ZNF292: variants seen among roughly 807,000 people sequenced by gnomAD.
The protein encoded by ZNF292 is zinc finger protein 292.
Under a neutral mutation model 217.9 loss-of-function variants are expected in ZNF292, and 26 were observed. That is an observed-to-expected ratio of 0.12 (90% CI 0.09 to 0.17). ZNF292 has a LOEUF of 0.17. Among genes scored for constraint, ZNF292 ranks in the 10% least tolerant of loss-of-function variants. ZNF292 has a pLI of 1.00. For synonymous variants in ZNF292, 1,257 were observed against 1,124.1 expected (o/e 1.12, Z -2.37); for missense variants, 2,904 against 3,175.2 (o/e 0.91, Z 2.05).
intron 1 of ZNF292, among the ~76,000 whole-genome samples, chr6:87,195,660 A>G (rs1771935310): frequency 6.6e-6 from 1 of 152,212 alleles, no homozygotes; most frequent in South Asian, 2.1e-4. Context: ...TGGGAAATGG[A>G]AAAGAATTAA....
Position 87,258,748 on chromosome 6 carries a change from A to G in ZNF292, c.5119A>G (p.Lys1707Glu). 1 of 1,613,516 alleles carries G rather than the reference A, an allele frequency of 6.2e-7. No individual in the cohort carries two copies. Among genetic ancestry groups the G allele is most frequent in the Non-Finnish European group, 8.5e-7 (1 of 1,179,692 alleles). The stretch of plus-strand genomic sequence containing the variant: ...TATGACTGATGTAAAAGAGAATTTC[A>G]AAACCAGTCTTGAGTCCCATACAGT... ...LFMTDVKENF[K>E]TSLESHTVLA... The change falls in exon 8 of 8, where the codon AAA (lysine) becomes GAA (glutamate). Residue 1707 changes from lysine to glutamate, a missense_variant. Around this residue, in one of 15 missense-constraint regions of ZNF292, gnomAD observed 622 missense variants for 573.1 expected, o/e 1.09. Transcript: ENST00000369577.
rs1248727008 is a variant in ZNF292, at chr6:87,258,657, T to C, written c.5028T>C (p.Thr1676=). The C allele has an allele frequency of 6.2e-7, 1 of 1,613,520 alleles. No individual in the cohort carries two copies. Among genetic ancestry groups the C allele is most frequent in the Admixed American group, 1.7e-5 (1 of 59,878 alleles). Residue 1676 remains threonine (T), a synonymous_variant, in exon 8 of 8, where the codon ACT becomes ACC. Transcript: ENST00000369577. ...TTNLHSNVIP[T]CEPQSLVENL... ...ACCTTCATTCAAATGTAATTCCAAC[T>C]TGTGAACCTCAGAGTTTGGTGGAAA...
rs1562197949 is a variant in ZNF292 at position 87,262,001 on chromosome 6, T to A, written c.*200T>A. On this transcript the variant is annotated 3_prime_UTR_variant, in exon 8 of 8. Coordinates refer to ENST00000369577, the MANE Select transcript of ZNF292 (RefSeq NM_015021.3). ...TCCCTATGGGACTTGAGGAACAGAATCAGTACTTCAGTTATTGTAAATAGT... is the reference window on the plus strand; with the variant it reads ...TCCCTATGGGACTTGAGGAACAGAAACAGTACTTCAGTTATTGTAAATAGT... 2 of 377,176 alleles carry A rather than the reference T, an allele frequency of 5.3e-6. No homozygotes were observed. The highest frequency in any genetic ancestry group is 7.1e-4 in the Middle Eastern group (1 of 1,400). 23.4% of individuals were successfully genotyped at this position (377,176 alleles called of 1,614,324 possible). A position where few individuals can be genotyped will look rare whatever the true frequency, so the allele number is the denominator to read the frequency against.
intron 5 of ZNF292, among the ~76,000 whole-genome samples, chr6:87,241,009 G>A (rs943309985): frequency 4.6e-5 from 7 of 152,338 alleles, no homozygotes; most frequent in African/African-American, 1.7e-4. Context: ...CATTGGCTGA[G>A]CACCGTGGCT....
In ZNF292 at chr6:87,262,395, A is replaced by G. The variant is rs1006627507; in HGVS notation, c.*594A>G. The G allele has an allele frequency of 1.3e-5, 2 of 152,072 alleles. No homozygotes were observed. Among genetic ancestry groups the G allele is most frequent in the African/African-American group, 4.8e-5 (2 of 41,456 alleles). 9.4% of individuals were successfully genotyped at this position (152,072 alleles called of 1,614,324 possible). On this transcript the variant is annotated 3_prime_UTR_variant, in exon 8 of 8. Coordinates refer to ENST00000369577, the MANE Select transcript of ZNF292 (RefSeq NM_015021.3). ...GATGATATCAAGATTACTTTTCACA[A>G]AATAGGCACATTATATCAACACTTT... is the stretch of plus-strand genomic sequence containing the variant.
rs139364725 is a variant in ZNF292, at chr6:87,254,523, G to C, written c.1021-127G>C. On this transcript the variant is annotated intron_variant, in intron 7 of 7. Coordinates refer to ENST00000369577, the MANE Select transcript of ZNF292 (RefSeq NM_015021.3). ...GACTAAGCTGCAGTGCTTTAGAAGG[G>C]GAATCCTTTCATAAGTTGCTATTGC... 3,531 of 869,944 alleles carry C rather than the reference G, an allele frequency of 4.1e-3. 128 individuals are homozygous for C. In the Admixed American group the frequency reaches 0.069, roughly 17 times the overall value. 53.9% of individuals were successfully genotyped at this position (869,944 alleles called of 1,614,324 possible). A position where few individuals can be genotyped will look rare whatever the true frequency, so the allele number is the denominator to read the frequency against.
At chr6:87,251,177 GAT>G (rs1196447207) in intron 7 of ZNF292, among the ~76,000 whole-genome samples, 3 of 152,178 alleles carry the variant, frequency 2.0e-5, no homozygotes, top group Non-Finnish European at 4.4e-5. Flanking sequence ...TAGAGGGAAA[GAT>G]AAAAGAGGAA....
intron 5 of ZNF292, among the ~76,000 whole-genome samples, chr6:87,241,283 C>CATAA (rs111321821): frequency 0.019 from 2,861 of 151,712 alleles, 71 homozygotes; most frequent in African/African-American, 0.05. Flanking sequence ...GACTCCGTCT[C>CATAA]ATAAATAAAT....
intron 4 of ZNF292, chr6:87,222,957 G>A (rs897730498): frequency 6.1e-6 from 2 of 327,366 alleles, no homozygotes; most frequent in East Asian, 7.4e-5. Context: ...TTAGACTGGG[G>A]TTATGGGTTT....
At chr6:87,155,814 C>T (rs1240959696) in intron 1 of ZNF292, 55 bp downstream of exon 1, 4 of 1,489,728 alleles carry the variant, frequency 2.7e-6, no homozygotes, top group African/African-American at 2.8e-5. Flanking sequence ...GGGAAGAGGG[C>T]GAGCGAGCGC....
At position 87,258,388 on chromosome 6, in the gene ZNF292, A is replaced by G. The variant is rs369540222; in HGVS notation, c.4759A>G (p.Ser1587Gly). The G allele has an allele frequency of 3.7e-6, 6 of 1,613,550 alleles. No individual in the cohort carries two copies. The African/African-American group carries it at 5.3e-5, about 14-fold the overall frequency. Residue 1587 changes from serine to glycine, a missense_variant, in exon 8 of 8, where the codon AGT becomes GGT. By Grantham distance (56) the Ser-to-Gly change is moderately conservative. This residue lies in a region of ZNF292 where 622 missense variants were observed against 573.1 expected (regional missense o/e 1.09). Coordinates refer to ENST00000369577, the MANE Select transcript of ZNF292 (RefSeq NM_015021.3). ...GACTGTTGAAAATGGTTTGTGCTCT[A>G]GTTCATTTCCTAATTCTGGTGGGCC... Reference protein sequence around the residue: ...LKTVENGLCSSSFPNSGGPSQ... With the variant: ...LKTVENGLCSGSFPNSGGPSQ...
intron 1 of ZNF292, among the ~76,000 whole-genome samples, chr6:87,200,464 T>TA (rs141781065): frequency 2.3e-4 from 34 of 150,822 alleles, no homozygotes; most frequent in East Asian, 1.4e-3. Flanking sequence ...ACTAGACATT[T>TA]AAAAAAAAAA....
At position 87,265,621 on chromosome 6, in the gene ZNF292, A is replaced by G. The variant is rs1775782140; in HGVS notation, c.*3820A>G. Among the ~76,000 whole-genome samples the G allele has an allele frequency of 6.6e-6, 1 of 152,236 alleles. No individual in the cohort carries two copies. Among genetic ancestry groups the G allele is most frequent in the South Asian group, 2.1e-4 (1 of 4,830 alleles). On this transcript the variant is annotated 3_prime_UTR_variant, in exon 8 of 8. Coordinates refer to ENST00000369577, the MANE Select transcript of ZNF292 (RefSeq NM_015021.3). Reference sequence around the variant, plus strand: ...AATTTTCCAGACTTAATTGACCCTGAGAACATTTTTCTTCTTTTAATGTTA... The same window carrying G: ...AATTTTCCAGACTTAATTGACCCTGGGAACATTTTTCTTCTTTTAATGTTA...
chr6:87,192,866 A>G (rs1279275364), intron 1 of ZNF292, among the ~76,000 whole-genome samples: 3 of 152,188 alleles, frequency 2.0e-5, no homozygotes, highest in Non-Finnish European at 4.4e-5. Context: ...TTAAGTTCAC[A>G]TATACTGGTA....
chr6:87,179,861 C>T (rs1480320140), intron 1 of ZNF292, among the ~76,000 whole-genome samples: 2 of 152,106 alleles, frequency 1.3e-5, no homozygotes, highest in Admixed American at 1.3e-4. Flanking sequence ...AGCAACAGCC[C>T]AGTCAGATTT....
intron 4 of ZNF292, among the ~76,000 whole-genome samples, chr6:87,231,283 T>C (rs764168223): frequency 6.6e-6 from 1 of 152,132 alleles, no homozygotes; most frequent in Non-Finnish European, 1.5e-5. Context: ...TTTACTGCTG[T>C]AAGGTGCCAT....
chr6:87,178,224 T>G (rs201077560), intron 1 of ZNF292, among the ~76,000 whole-genome samples: 1 of 24,192 alleles, frequency 4.1e-5, no homozygotes, highest in Non-Finnish European at 6.5e-5. Flanking sequence ...ATGATTGTGT[T>G]TCTTTCTTCT....
In ZNF292 at chr6:87,255,955, G is replaced by A; in HGVS notation, c.2326G>A (p.Val776Ile). Residue 776 changes from valine (V) to isoleucine (I), a missense_variant, in exon 8 of 8, where the codon GTC (valine) becomes ATC (isoleucine). Coordinates refer to ENST00000369577, the MANE Select transcript of ZNF292 (RefSeq NM_015021.3). ...TTTAACCCACCGAAAGGAGCATCAA[G>A]TCTTTAGAGCAAAATGTATGTTTCC... ...ELLTHRKEHQ[V>I]FRAKCMFPKC... The A allele has an allele frequency of 6.2e-7, 1 of 1,612,424 alleles. No individual in the cohort carries two copies. The highest frequency in any genetic ancestry group is 8.5e-7 in the Non-Finnish European group (1 of 1,179,122).
Position 87,238,615 on chromosome 6 carries a change from G to GTT in ZNF292, c.742-4850_742-4849dup, listed in dbSNP as rs71763831. 2.2e-5 allele frequency among the ~76,000 whole-genome samples: 3 copies of GTT among 137,990 alleles called. No individual in the cohort carries two copies. The East Asian group carries it at 6.3e-4, about 29-fold the overall frequency. 90.5% of individuals were successfully genotyped at this position (137,990 alleles called of 152,430 possible). A position where few individuals can be genotyped will look rare whatever the true frequency, so the allele number is the denominator to read the frequency against. On this transcript the variant is annotated intron_variant, in intron 5 of 7. Transcript: ENST00000369577. ...GAGTGCCTTAGGTTTTATTTTTTTG[G>GTT]TTTTTTTTTTTCAGTAAGTATTTAT... is the stretch of plus-strand genomic sequence containing the variant.
Sources: allele counts gnomAD v4.1 joint callset (sites outside exome capture counted in the v4.1 genomes callset), GRCh38; gene constraint gnomAD v4.1.1; regional missense constraint gnomAD v4.1.1; transcripts MANE v1.5; gene names NCBI Gene and HGNC (gene_info 2026-07-23, HGNC 2026-07-21).